The following TTC8 variants were observed in gnomAD, a reference collection of about 807,000 sequenced individuals.
TTC8 encodes tetratricopeptide repeat protein 8.
TTC8 carries 47 observed loss-of-function variants against 72.5 expected under a neutral mutation model. The ratio of observed to expected loss-of-function variants is 0.65; its 90% CI spans 0.51 to 0.83. The LOEUF (loss-of-function observed/expected upper bound fraction) is 0.83, where lower values mean the gene tolerates loss of function less well. Among genes scored for constraint, TTC8 ranks in the 40% least tolerant of loss-of-function variants. The pLI, the probability that TTC8 is intolerant of heterozygous loss-of-function variation, is 0.00. For synonymous variants in TTC8, 199 were observed against 221.4 expected, an observed-to-expected ratio of 0.90 and a Z score of 0.90; for missense variants, 611 against 623.2, an observed-to-expected ratio of 0.98 and a Z score of 0.21.
intron 1 of TTC8, chr14:88,831,036 G>A (rs1459051786): frequency 2.6e-6 from 1 of 381,240 alleles, no homozygotes; most frequent in Non-Finnish European, 5.2e-6. Context: ...TACCTTTGAG[G>A]TAAGAGACCA....
intron 7 of TTC8, among the ~76,000 whole-genome samples, chr14:88,847,592 C>A (rs1310943526): frequency 6.6e-6 from 1 of 151,876 alleles, no homozygotes; most frequent in Non-Finnish European, 1.5e-5. Context: ...TGTCTGGGGA[C>A]TTTATTTTAG....
Position 88,861,242 on chromosome 14 carries a change from A to G in TTC8, c.819A>G (p.Gln273=). The part of the protein sequence containing the change: ...YLAKVYVSLD[Q]PVTALNLFKQ... ...TTTAGGTTTATGTCTCATTGGATCAACCTGTGACTGCTTTAAATCTTTTCA... is the reference window on the plus strand; with the variant it reads ...TTTAGGTTTATGTCTCATTGGATCAGCCTGTGACTGCTTTAAATCTTTTCA... Residue 273 remains glutamine, a synonymous_variant, in exon 10 of 15, where the codon CAA becomes CAG. Coordinates refer to ENST00000380656, the MANE Select transcript of TTC8 (RefSeq NM_144596.4). 6.2e-7 allele frequency: 1 copy of G among 1,612,686 alleles called. No homozygotes were observed. The highest frequency in any genetic ancestry group is 8.5e-7 in the Non-Finnish European group (1 of 1,179,170).
rs779118124 is a variant in TTC8, at chr14:88,870,134, A to G, written c.985A>G (p.Ile329Val). 1 of 1,613,976 alleles carries G rather than the reference A, an allele frequency of 6.2e-7. No individual in the cohort carries two copies. The highest frequency in any genetic ancestry group is 1.7e-5 in the Admixed American group (1 of 60,008). The change falls in exon 11 of 15, where the codon ATC becomes GTC. Residue 329 changes from isoleucine to valine, a missense_variant. Ile to Val is a conservative substitution (Grantham distance 29, BLOSUM62 3). Coordinates refer to ENST00000380656, the MANE Select transcript of TTC8 (RefSeq NM_144596.4). The stretch of plus-strand genomic sequence containing the variant: ...ACAAGACAATACTCATGTGGAAGCC[A>G]TCGCATGCATTGGAAGCAACCACTT... ...LKQDNTHVEA[I>V]ACIGSNHFYS...
intron 10 of TTC8, among the ~76,000 whole-genome samples, chr14:88,861,836 A>G (rs543126559): frequency 3.9e-5 from 6 of 152,206 alleles, no homozygotes; most frequent in East Asian, 3.9e-4. Flanking sequence ...TTATGGCTCA[A>G]TATTGCTTTA....
At chr14:88,824,326 C>T (rs2094688060), upstream of TTC8, 3 of 242,082 alleles carry the variant, frequency 1.2e-5, no homozygotes, top group Admixed American at 1.6e-4. Context: ...GAGATCAACT[C>T]CAGGGACTCT....
chr14:88,833,833 A>G, intron 2 of TTC8, 111 bp downstream of exon 2: 22 of 920,774 alleles, frequency 2.4e-5, no homozygotes, highest in Non-Finnish European at 3.9e-5. Context: ...GGGTTTATAA[A>G]ATTAGCCATA....
In TTC8 at chr14:88,877,284, T is replaced by C. The variant is rs1167002869; in HGVS notation, c.1432-10T>C. On this transcript the variant is annotated splice_polypyrimidine_tract_variant and intron_variant, in intron 14 of 14. Coordinates refer to ENST00000380656, the MANE Select transcript of TTC8 (RefSeq NM_144596.4). Reference sequence around the variant, plus strand: ...CTCATTCCATGGTCTTATTCTTGTATTTTTTGCAGATTGGAGATCTGCAGA... The same window carrying C: ...CTCATTCCATGGTCTTATTCTTGTACTTTTTGCAGATTGGAGATCTGCAGA... 6.2e-7 allele frequency: 1 copy of C among 1,609,494 alleles called. No homozygotes were observed. The highest frequency in any genetic ancestry group is 8.5e-7 in the Non-Finnish European group (1 of 1,176,100).
chr14:88,846,645 A>G (rs550707699), intron 7 of TTC8: 2 of 1,463,310 alleles, frequency 1.4e-6, no homozygotes, highest in East Asian at 2.5e-5. Context: ...ACCCATTCTT[A>G]TTGAGGAATA....
At chr14:88,826,471 G>T (rs531005280) in intron 1 of TTC8, among the ~76,000 whole-genome samples, 191 of 151,460 alleles carry the variant, frequency 1.3e-3, no homozygotes, top group African/African-American at 4.5e-3. Context: ...TTGGGAGGCC[G>T]AGGCGGGCGG....
chr14:88,836,098 A>T (rs906108974), intron 2 of TTC8, among the ~76,000 whole-genome samples: 1 of 152,244 alleles, frequency 6.6e-6, no homozygotes, highest in Admixed American at 6.5e-5. Context: ...AATATCAAAA[A>T]TTCATACCAT....
Position 88,877,303 on chromosome 14 carries a change from C to A in TTC8, c.1441C>A (p.Leu481Met), listed in dbSNP as rs1054180368. Residue 481 changes from leucine (L) to methionine (M), a missense_variant, in exon 15 of 15, where the codon CTG becomes ATG. Leu to Met is a conservative substitution (Grantham distance 15). Transcript: ENST00000380656. ...CTTGTATTTTTTGCAGATTGGAGATCTGCAGAGAAGCTATGTTGCTGCGCA... is the reference window on the plus strand; with the variant it reads ...CTTGTATTTTTTGCAGATTGGAGATATGCAGAGAAGCTATGTTGCTGCGCA... ...FATISDKIGD[L>M]QRSYVAAQKS... 6.2e-6 allele frequency: 10 copies of A among 1,613,348 alleles called. No individual in the cohort carries two copies. The highest frequency in any genetic ancestry group is 8.5e-6 in the Non-Finnish European group (10 of 1,179,528).
upstream of TTC8, chr14:88,824,604 C>G (rs1008754097): frequency 1.9e-4 from 171 of 911,388 alleles, no homozygotes; most frequent in Middle Eastern, 3.2e-4. Flanking sequence ...GGACAAGGCC[C>G]CAGCCGTCGC....
At position 88,875,068 on chromosome 14, in the gene TTC8, A is replaced by G. The variant is rs1392305134; in HGVS notation, c.1390A>G (p.Met464Val). ...LQTASSLAPH[M>V]YEPHFNFATI... ...AACTGCATCATCATTAGCACCCCAT[A>G]TGTATGAACCGCATTTTAATTTTGC... The change falls in exon 14 of 15, where the codon ATG becomes GTG. Residue 464 changes from methionine (M) to valine (V), a missense_variant. Physicochemically the swap from Met to Val is conservative, Grantham distance 21 (BLOSUM62 1). Coordinates refer to ENST00000380656, the MANE Select transcript of TTC8 (RefSeq NM_144596.4). The G allele has an allele frequency of 1.9e-6, 3 of 1,612,904 alleles. No homozygotes were observed. The African/African-American group carries it at 4.0e-5, about 22-fold the overall frequency.
chr14:88,869,946 T>G lies in TTC8; in HGVS notation c.910-113T>G. ...AGGGTCTAGAATGGAGTCTGGCACA[T>G]GGTAGCCTCTCAATAAATACTTATT... On this transcript the variant is annotated intron_variant, in intron 10 of 14. Transcript: ENST00000380656. The G allele has an allele frequency of 2.8e-6, 3 of 1,082,504 alleles. No individual in the cohort carries two copies. In the South Asian group the frequency reaches 4.0e-5, roughly 15 times the overall value. The allele number at this position is 1,082,504 out of a possible 1,614,324, so 67.1% of individuals were successfully genotyped here. A position where few individuals can be genotyped will look rare whatever the true frequency, so the allele number is the denominator to read the frequency against.
downstream of TTC8, chr14:88,878,613 C>T (rs1243461102): frequency 6.6e-6 from 1 of 152,174 alleles, no homozygotes; most frequent in Non-Finnish European, 1.5e-5. Flanking sequence ...TAGACTTGAA[C>T]CTTTCTTGGT....
chr14:88,875,099 T>G lies in TTC8; in HGVS notation c.1421T>G (p.Ile474Ser), dbSNP rs1211838253. 1 of 1,611,468 alleles carries G rather than the reference T, an allele frequency of 6.2e-7. No individual in the cohort carries two copies. Among genetic ancestry groups the G allele is most frequent in the Non-Finnish European group, 8.5e-7 (1 of 1,178,364 alleles). ...GAACCGCATTTTAATTTTGCAACAA[T>G]CTCTGATAAGGTATTCTCTTTCTTC... ...MYEPHFNFAT[I>S]SDKIGDLQRS... The change falls in exon 14 of 15, where the codon ATC becomes AGC. Residue 474 changes from isoleucine (I) to serine (S), a missense_variant. Ile to Ser is a moderately radical substitution (Grantham distance 142). Coordinates refer to ENST00000380656, the MANE Select transcript of TTC8 (RefSeq NM_144596.4).
chr14:88,877,297 G>A lies in TTC8; in HGVS notation c.1435G>A (p.Gly479Arg). The A allele has an allele frequency of 6.2e-7, 1 of 1,610,812 alleles. No individual in the cohort carries two copies. Among genetic ancestry groups the A allele is most frequent in the Non-Finnish European group, 8.5e-7 (1 of 1,177,420 alleles). Residue 479 changes from glycine to arginine, a missense_variant, in exon 15 of 15, where the codon GGA becomes AGA. By Grantham distance (125) the Gly-to-Arg change is moderately radical (BLOSUM62 -2). Coordinates refer to ENST00000380656, the MANE Select transcript of TTC8 (RefSeq NM_144596.4). ...CTTATTCTTGTATTTTTTGCAGATT[G>A]GAGATCTGCAGAGAAGCTATGTTGC... ...FNFATISDKI[G>R]DLQRSYVAAQ...
At chr14:88,826,282 C>T (rs749781177) in intron 1 of TTC8, among the ~76,000 whole-genome samples, 53 of 152,028 alleles carry the variant, frequency 3.5e-4, no homozygotes, top group Non-Finnish European at 5.4e-4. Flanking sequence ...GCCACCGCGC[C>T]CAGCCCCCAA....
intron 9 of TTC8, among the ~76,000 whole-genome samples, chr14:88,858,693 A>T (rs2094868888): frequency 6.6e-6 from 1 of 150,772 alleles, no homozygotes; most frequent in African/African-American, 2.4e-5. Flanking sequence ...TCCCAGGCTC[A>T]GGCGATCCTC....
Sources: allele counts gnomAD v4.1 joint callset (sites outside exome capture counted in the v4.1 genomes callset), GRCh38; gene constraint gnomAD v4.1.1; transcripts MANE v1.5; gene names NCBI Gene and HGNC (gene_info 2026-07-23, HGNC 2026-07-21).